Variants in PPP6R1 observed in about 807,000 individuals in gnomAD.
PPP6R1 encodes protein phosphatase 6 regulatory subunit 1, also known as serine/threonine-protein phosphatase 6 regulatory subunit 1.
In PPP6R1, 39 loss-of-function variants were observed where a neutral mutation model predicts 104.6. The observed-to-expected ratio is 0.37, with a 90% confidence interval of 0.29 to 0.49. The LOEUF (loss-of-function observed/expected upper bound fraction) is 0.49. Ranked by LOEUF, PPP6R1 falls within the 20% of genes least tolerant of loss-of-function variation. The pLI is 0.98. For missense variants in PPP6R1, 1,181 were observed against 1,155.8 expected, an observed-to-expected ratio of 1.02 and a Z score of -0.32; for synonymous variants, 549 against 479.0, an observed-to-expected ratio of 1.15 and a Z score of -1.91.
At chr19:55,237,915 T>C (rs888662720) in intron 15 of PPP6R1, among the ~76,000 whole-genome samples, 2 of 152,230 alleles carry the variant, frequency 1.3e-5, no homozygotes, top group Non-Finnish European at 2.9e-5. Flanking sequence ...TTTCTGGGTT[T>C]AGTTTTGTTC....
rs1439460263 is a variant in PPP6R1 at position 55,242,670 on chromosome 19, G to A, written c.619-182C>T. 6.6e-6 allele frequency: 4 copies of A among 608,170 alleles called. No individual in the cohort carries two copies. The Admixed American group carries it at 1.0e-4, about 16-fold the overall frequency. The allele number at this position is 608,170 out of a possible 1,614,324, so 37.7% of individuals were successfully genotyped here. A position where few individuals can be genotyped will look rare whatever the true frequency, so the allele number is the denominator to read the frequency against. Reference sequence around the variant, plus strand: ...ACTGCTGGAGGGAAGATGGTGGAGAGAACAGGAAGCCCGGAAGGCTCCCCA... The same window carrying A: ...ACTGCTGGAGGGAAGATGGTGGAGAAAACAGGAAGCCCGGAAGGCTCCCCA... On this transcript the variant is annotated intron_variant, in intron 5 of 23. Transcript: ENST00000412770.
In PPP6R1 at chr19:55,245,334, GGCCGAGGT is replaced by G; in HGVS notation, c.475_482del (p.Thr159HisfsTer36). 1 of 1,611,070 alleles carries G rather than the reference GGCCGAGGT, an allele frequency of 6.2e-7. No homozygotes were observed. The highest frequency in any genetic ancestry group is 8.5e-7 in the Non-Finnish European group (1 of 1,178,854). The stretch of plus-strand genomic sequence containing the variant: ...GCAGGCGCAGCAGGAGGTCCATGAT[GGCCGAGGT>G]GCCAATGTGCTGCAGCAGCAGGTCC... On this transcript the variant is annotated frameshift_variant, in exon 4 of 24. Transcript: ENST00000412770. LOFTEE classifies it high-confidence loss of function. The surrounding 1 kb of genome is among the most constrained non-coding windows in gnomAD (Gnocchi z 6.4).
At chr19:55,255,272 G>A (rs111308783) in intron 1 of PPP6R1, among the ~76,000 whole-genome samples, 2,461 of 152,288 alleles carry the variant, frequency 0.016, 32 homozygotes, top group Non-Finnish European at 0.025. Context: ...CATTCAAATC[G>A]TCTCCTGAAC....
Position 55,239,506 on chromosome 19 carries a change from TG to T in PPP6R1, c.1654-5del, listed in dbSNP as rs771224409. The T allele has an allele frequency of 6.2e-6, 10 of 1,613,654 alleles. No homozygotes were observed. The Middle Eastern group carries it at 6.6e-4, about 106-fold the overall frequency. ...GCATCTGGAAGTCCATGAAGGCCTG[TG>T]GGGGTGCGGAGGTTAGGGCTGGAGG... On this transcript the variant is annotated splice_polypyrimidine_tract_variant and splice_region_variant and intron_variant, in intron 14 of 23. Coordinates refer to ENST00000412770, the MANE Select transcript of PPP6R1 (RefSeq NM_014931.4).
At chr19:55,237,265 AG>A (rs1415496511) in intron 15 of PPP6R1, among the ~76,000 whole-genome samples, 5 of 152,128 alleles carry the variant, frequency 3.3e-5, no homozygotes, top group African/African-American at 7.2e-5. Flanking sequence ...GACTCTCCTC[AG>A]GCTCTTCCAA....
rs2087500538 is a variant in PPP6R1 at position 55,245,559 on chromosome 19, A to C, written c.347T>G (p.Leu116Arg). The change falls in exon 3 of 24, where the codon CTC (leucine) becomes CGC (arginine). Residue 116 changes from leucine (L) to arginine (R), a missense_variant. Coordinates refer to ENST00000412770, the MANE Select transcript of PPP6R1 (RefSeq NM_014931.4). This position sits in a 1 kb window ranked among gnomAD's most constrained non-coding sequence, Gnocchi z 6.4. ...GAAGAAGCTGGCCAGCAGTGGGTTG[A>C]GGCTGCCGGTGCTCTGCAGGAAGCC... is the stretch of plus-strand genomic sequence containing the variant. ...LYGFLQSTGS[L>R]NPLLASFFSK... The C allele has an allele frequency of 4.3e-6, 7 of 1,611,744 alleles. No homozygotes were observed. The highest frequency in any genetic ancestry group is 5.1e-6 in the Non-Finnish European group (6 of 1,179,122).
At position 55,232,082 on chromosome 19, in the gene PPP6R1, C is replaced by A. The variant is rs1180446548; in HGVS notation, c.2118G>T (p.Gln706His). 1 of 1,611,426 alleles carries A rather than the reference C, an allele frequency of 6.2e-7. No individual in the cohort carries two copies. Among genetic ancestry groups the A allele is most frequent in the South Asian group, 1.1e-5 (1 of 90,404 alleles). Residue 706 changes from glutamine (Q) to histidine (H), a missense_variant, in exon 18 of 24, where the codon CAG (glutamine) becomes CAT (histidine). Physicochemically the swap from Gln to His is conservative, Grantham distance 24 (BLOSUM62 0). Transcript: ENST00000412770. ...TPLSYPSPGP[Q>H]PPGPSWTATF... ...CACCGCCCATTCATTCACCTGGAGG[C>A]TGAGGGCCAGGGCTGGGGTAGGACA... is the stretch of plus-strand genomic sequence containing the variant.
At position 55,231,430 on chromosome 19, in the gene PPP6R1, A is replaced by T. The variant is rs887100384; in HGVS notation, c.2439T>A (p.Ser813=). The change falls in exon 21 of 24, where the codon TCT becomes TCA. Residue 813 remains serine, a synonymous_variant. Transcript: ENST00000412770. Reference sequence around the variant, plus strand: ...CTCACCTGTCCGAGGAGCTGGGGGCAGAACGGATCCCGTGGAAGGTGGCCT... The same window carrying T: ...CTCACCTGTCCGAGGAGCTGGGGGCTGAACGGATCCCGTGGAAGGTGGCCT... ...DLQATFHGIR[S]APSSSDSATR... The T allele has an allele frequency of 6.2e-7, 1 of 1,604,784 alleles. No homozygotes were observed. Among genetic ancestry groups the T allele is most frequent in the Admixed American group, 1.7e-5 (1 of 58,748 alleles).
intron 5 of PPP6R1, among the ~76,000 whole-genome samples, chr19:55,243,327 C>A (rs1054652670): frequency 1.3e-5 from 2 of 149,388 alleles, no homozygotes; most frequent in Admixed American, 6.7e-5. Context: ...GCAGGAGAAT[C>A]GCTTGAACCT....
chr19:55,256,358 G>A (rs1179348996), intron 1 of PPP6R1, among the ~76,000 whole-genome samples: 1 of 152,200 alleles, frequency 6.6e-6, no homozygotes, highest in African/African-American at 2.4e-5. Context: ...AGGACACTTA[G>A]CAACATCCCT....
Position 55,240,248 on chromosome 19 carries a change from T to C in PPP6R1, c.1349A>G (p.Asn450Ser). 1 of 1,592,774 alleles carries C rather than the reference T, an allele frequency of 6.3e-7. No individual in the cohort carries two copies. Among genetic ancestry groups the C allele is most frequent in the Non-Finnish European group, 8.5e-7 (1 of 1,170,292 alleles). Residue 450 changes from asparagine to serine, a missense_variant, in exon 11 of 24, where the codon AAC (asparagine) becomes AGC (serine). By Grantham distance (46) the Asn-to-Ser change is conservative (BLOSUM62 1). Transcript: ENST00000412770. ...AGCAGGTGCTCACTGTACACGGTCG[T>C]TCTCCTCCCAGGACGTCAGGATCCG... ...VERILTSWEE[N>S]DRVQCAGGPR...
chr19:55,245,267 T>C lies in PPP6R1; in HGVS notation c.550A>G (p.Asn184Asp). 6.3e-7 allele frequency: 1 copy of C among 1,597,484 alleles called. No homozygotes were observed. Residue 184 changes from asparagine (N) to aspartate (D), a missense_variant and splice_region_variant, in exon 4 of 24, where the codon AAT (asparagine) becomes GAT (aspartate). Asn to Asp is a conservative substitution (Grantham distance 23). Coordinates refer to ENST00000412770, the MANE Select transcript of PPP6R1 (RefSeq NM_014931.4). This position sits in a 1 kb window ranked among gnomAD's most constrained non-coding sequence, Gnocchi z 6.4. The stretch of plus-strand genomic sequence containing the variant: ...CCAGAGGAGCCGGCCCTGCTCACAT[T>C]GACAACATCCTGCCTCAGCTGAGGC... ...ERPQLRQDVV[N>D]WLNEEKIVQR...
intron 17 of PPP6R1, chr19:55,236,404 C>T: frequency 3.9e-6 from 2 of 510,544 alleles, no homozygotes; most frequent in Non-Finnish European, 6.8e-6. Context: ...AATCCATCTG[C>T]CCTGGCCTCC....
At chr19:55,257,651 CCAGT>C (rs537110306) in intron 1 of PPP6R1, among the ~76,000 whole-genome samples, 156 of 152,330 alleles carry the variant, frequency 1.0e-3, no homozygotes, top group Middle Eastern at 0.01. Context: ...AGCCGTCCGT[CCAGT>C]CAGTCTCACC....
Position 55,246,886 on chromosome 19 carries a change from AGCC to A in PPP6R1, c.215_217del (p.Arg72del). The A allele has an allele frequency of 6.2e-7, 1 of 1,602,632 alleles. No homozygotes were observed. Among genetic ancestry groups the A allele is most frequent in the Non-Finnish European group, 8.5e-7 (1 of 1,173,966 alleles). On this transcript the variant is annotated inframe_deletion, in exon 2 of 24. Coordinates refer to ENST00000412770, the MANE Select transcript of PPP6R1 (RefSeq NM_014931.4). Reference sequence around the variant, plus strand: ...GAGCTGGGGAACTCACTTGTAGCGCAGCCGCTCCTCACCGCTATCTGGCGGCTC... The same window carrying A: ...GAGCTGGGGAACTCACTTGTAGCGCAGCTCCTCACCGCTATCTGGCGGCTC...
chr19:55,248,762 T>C (rs1449131298), intron 1 of PPP6R1, among the ~76,000 whole-genome samples: 3 of 152,190 alleles, frequency 2.0e-5, no homozygotes, highest in Non-Finnish European at 4.4e-5. Flanking sequence ...GGAAGAGACT[T>C]CATCGGAGCT....
At chr19:55,228,622 G>T, downstream of PPP6R1, 1 of 1,561,530 alleles carries the variant, frequency 6.4e-7, no homozygotes. Context: ...GCAGCTCCCA[G>T]ACCCGCCGGC....
chr19:55,234,178 C>G (rs1246257682), intron 17 of PPP6R1, among the ~76,000 whole-genome samples: 1 of 152,118 alleles, frequency 6.6e-6, no homozygotes, highest in African/African-American at 2.4e-5. Flanking sequence ...AACTCCTGAC[C>G]TCAGGTGATC....
chr19:55,230,288 C>G lies in PPP6R1; in HGVS notation c.*240G>C. On this transcript the variant is annotated 3_prime_UTR_variant, in exon 24 of 24. Transcript: ENST00000412770. ...ATATGTTTCTCTCTCTCCATTCTCTCTATTTGACTCTCTGTATCTTTATTC... is the reference window on the plus strand; with the variant it reads ...ATATGTTTCTCTCTCTCCATTCTCTGTATTTGACTCTCTGTATCTTTATTC... 1.7e-6 allele frequency: 1 copy of G among 593,614 alleles called. No individual in the cohort carries two copies. The highest frequency in any genetic ancestry group is 3.0e-6 in the Non-Finnish European group (1 of 332,948). The allele number at this position is 593,614 out of a possible 1,614,324, so 36.8% of individuals were successfully genotyped here. A position where few individuals can be genotyped will look rare whatever the true frequency, so the allele number is the denominator to read the frequency against.
Sources: allele counts gnomAD v4.1 joint callset (sites outside exome capture counted in the v4.1 genomes callset), GRCh38; gene constraint gnomAD v4.1.1; non-coding constraint Gnocchi (gnomAD v3.1); transcripts MANE v1.5; gene names NCBI Gene and HGNC (gene_info 2026-07-23, HGNC 2026-07-21).